PCDHB5: variants seen among roughly 807,000 people sequenced by gnomAD.
PCDHB5 encodes the protein protocadherin beta-5.
For missense variants in PCDHB5, 1,125 were observed against 1,029.4 expected, an observed-to-expected ratio of 1.09 and a Z score of -1.27; for synonymous variants, 569 against 462.2, an observed-to-expected ratio of 1.23 and a Z score of -2.96.
In PCDHB5 at chr5:141,137,516, C is replaced by T. The variant is rs782753225; in HGVS notation, c.2082C>T (p.Ala694=). Residue 694 remains alanine (A), a synonymous_variant, in exon 1 of 1, where the codon GCC becomes GCT. Transcript: ENST00000231134. ...CTGTCTACCTGGTGGTGGCATTGGC[C>T]TCGGTGTCGTCGCTCTTCCTCTTTT... ...SLTVYLVVAL[A]SVSSLFLFSV... 6.8e-6 allele frequency: 11 copies of T among 1,612,468 alleles called. No individual in the cohort carries two copies. The highest frequency in any genetic ancestry group is 1.9e-4 in the Middle Eastern group (1 of 5,158).
chr5:141,137,461 C>T lies in PCDHB5; in HGVS notation c.2027C>T (p.Ala676Val). 2 of 1,612,480 alleles carry T rather than the reference C, an allele frequency of 1.2e-6. No homozygotes were observed. The highest frequency in any genetic ancestry group is 1.7e-6 in the Non-Finnish European group (2 of 1,179,702). Residue 676 changes from alanine to valine, a missense_variant, in exon 1 of 1, where the codon GCC (alanine) becomes GTC (valine). Physicochemically the swap from Ala to Val is moderately conservative, Grantham distance 64. Coordinates refer to ENST00000231134, the MANE Select transcript of PCDHB5 (RefSeq NM_015669.5). Reference protein sequence around the residue: ...SQPYLPLPEAAPAQAQADSLT... With the variant: ...SQPYLPLPEAVPAQAQADSLT... ...CCCTACCTGCCGCTGCCGGAGGCGG[C>T]CCCGGCCCAGGCCCAGGCCGACTCG...
chr5:141,137,287 C>A lies in PCDHB5; in HGVS notation c.1853C>A (p.Ala618Glu). 1 of 1,610,546 alleles carries A rather than the reference C, an allele frequency of 6.2e-7. No homozygotes were observed. Among genetic ancestry groups the A allele is most frequent in the Non-Finnish European group, 8.5e-7 (1 of 1,179,668 alleles). ...GAGCCCGGGCTGTTCAGCATGTGGG[C>A]GCACAATGGCGAGGTGCGCACCGCC... ...ATEPGLFSMW[A>E]HNGEVRTARL... The change falls in exon 1 of 1, where the codon GCG becomes GAG. Residue 618 changes from alanine (A) to glutamate (E), a missense_variant. Coordinates refer to ENST00000231134, the MANE Select transcript of PCDHB5 (RefSeq NM_015669.5).
rs782242118 is a variant in PCDHB5, at chr5:141,137,492, T to C, written c.2058T>C (p.Thr686=). ...APAQAQADSL[T]VYLVVALASV... ...CCCAGGCCCAGGCCGACTCGCTCACTGTCTACCTGGTGGTGGCATTGGCCT... is the reference window on the plus strand; with the variant it reads ...CCCAGGCCCAGGCCGACTCGCTCACCGTCTACCTGGTGGTGGCATTGGCCT... Residue 686 remains threonine (T), a synonymous_variant, in exon 1 of 1, where the codon ACT becomes ACC. Coordinates refer to ENST00000231134, the MANE Select transcript of PCDHB5 (RefSeq NM_015669.5). The C allele has an allele frequency of 2.7e-5, 44 of 1,612,238 alleles. No homozygotes were observed. The highest frequency in any genetic ancestry group is 3.7e-4 in the Middle Eastern group (2 of 5,386).
At position 141,136,887 on chromosome 5, in the gene PCDHB5, G is replaced by A. The variant is rs1554276036; in HGVS notation, c.1453G>A (p.Val485Ile). The change falls in exon 1 of 1, where the codon GTC (valine) becomes ATC (isoleucine). Residue 485 changes from valine to isoleucine, a missense_variant. Physicochemically the swap from Val to Ile is conservative, Grantham distance 29. Transcript: ENST00000231134. ...CAGAGACTCAGGCACCAACGCCCAG[G>A]TCACCTACTCGCTGCTGCCGCCCCA... ...TDRDSGTNAQVTYSLLPPQNP... is the reference protein window; with the variant it reads ...TDRDSGTNAQITYSLLPPQNP... The A allele has an allele frequency of 5.0e-6, 8 of 1,612,692 alleles. No homozygotes were observed. The highest frequency in any genetic ancestry group is 5.9e-6 in the Non-Finnish European group (7 of 1,180,028).
rs1752640133 is a variant in PCDHB5 at position 141,138,104 on chromosome 5, A to C, written c.*282A>C. ...TTTGTTGTGATAAACCACCTTAATA[A>C]AATCAAGTATTAATTTTATTTTCTA... On this transcript the variant is annotated 3_prime_UTR_variant, in exon 1 of 1. Coordinates refer to ENST00000231134, the MANE Select transcript of PCDHB5 (RefSeq NM_015669.5). 8.8e-6 allele frequency: 3 copies of C among 341,860 alleles called. No individual in the cohort carries two copies. Among genetic ancestry groups the C allele is most frequent in the Non-Finnish European group, 1.7e-5 (3 of 181,738 alleles). 21.2% of individuals were successfully genotyped at this position (341,860 alleles called of 1,614,324 possible).
Position 141,135,428 on chromosome 5 carries a change from C to A in PCDHB5, c.-7C>A. The A allele has an allele frequency of 1.3e-6, 2 of 1,590,606 alleles. No individual in the cohort carries two copies. The highest frequency in any genetic ancestry group is 1.2e-5 in the South Asian group (1 of 86,882). On this transcript the variant is annotated 5_prime_UTR_variant, in exon 1 of 1. In the 5' UTR this introduces an upstream ATG that the reference lacks. Transcript: ENST00000231134. ...TTAAACTGCGCCTTCTGGACCGGGT[C>A]TGAACAATGGAGACTGCGCTAGCAA... is the stretch of plus-strand genomic sequence containing the variant.
At position 141,136,670 on chromosome 5, in the gene PCDHB5, C is replaced by T. The variant is rs1317166162; in HGVS notation, c.1236C>T (p.Ser412=). The part of the protein sequence containing the change: ...LVTQRTLDRE[S]QAEYNITITV... ...CACAGAGAACACTGGACAGAGAGAGCCAAGCCGAGTACAACATCACCATCA... is the reference window on the plus strand; with the variant it reads ...CACAGAGAACACTGGACAGAGAGAGTCAAGCCGAGTACAACATCACCATCA... The change falls in exon 1 of 1, where the codon AGC becomes AGT. Residue 412 remains serine (S), a synonymous_variant. Transcript: ENST00000231134. 3 of 1,614,060 alleles carry T rather than the reference C, an allele frequency of 1.9e-6. No homozygotes were observed. Among genetic ancestry groups the T allele is most frequent in the Non-Finnish European group, 2.5e-6 (3 of 1,180,040 alleles).
rs373499517 is a variant in PCDHB5, at chr5:141,136,919, A to G, written c.1485A>G (p.Pro495=). 201 of 1,612,266 alleles carry G rather than the reference A, an allele frequency of 1.2e-4. 1 individual carries two copies. The African/African-American group carries it at 2.5e-3, about 20-fold the overall frequency. Residue 495 remains proline, a synonymous_variant, in exon 1 of 1, where the codon CCA becomes CCG. Transcript: ENST00000231134. ...ACTCGCTGCTGCCGCCCCAGAACCC[A>G]CACCTGCGCCTCGCCTCCCTGGTCT... ...VTYSLLPPQN[P]HLRLASLVSI...
At position 141,136,735 on chromosome 5, in the gene PCDHB5, A is replaced by T; in HGVS notation, c.1301A>T (p.His434Leu). 1 of 1,614,134 alleles carries T rather than the reference A, an allele frequency of 6.2e-7. No homozygotes were observed. The highest frequency in any genetic ancestry group is 8.5e-7 in the Non-Finnish European group (1 of 1,180,016). ...GGGACACCCAGGCTGAAAACCGAGC[A>T]CAACATAACGGTCCTGGTCTCCGAC... ...DMGTPRLKTE[H>L]NITVLVSDVN... Residue 434 changes from histidine to leucine, a missense_variant, in exon 1 of 1, where the codon CAC becomes CTC. By Grantham distance (99) the His-to-Leu change is moderately conservative. Transcript: ENST00000231134.
rs545573435 is a variant in PCDHB5 at position 141,135,575 on chromosome 5, C to T, written c.141C>T (p.Asn47=). Residue 47 remains asparagine (N), a synonymous_variant, in exon 1 of 1, where the codon AAC becomes AAT. Coordinates refer to ENST00000231134, the MANE Select transcript of PCDHB5 (RefSeq NM_015669.5). ...CAGAAAGTGGCTATTCTGTGGCCAA[C>T]CTGGCAAAAGACCTGGGTCTTGGGG... ...EETESGYSVA[N]LAKDLGLGVG... The T allele has an allele frequency of 7.4e-6, 12 of 1,614,150 alleles. No individual in the cohort carries two copies. In the Admixed American group the frequency reaches 1.7e-4, roughly 22 times the overall value.
In PCDHB5 at chr5:141,136,362, G is replaced by C. The variant is rs975207995; in HGVS notation, c.928G>C (p.Ala310Pro). 1.9e-6 allele frequency: 3 copies of C among 1,613,886 alleles called. No homozygotes were observed. The highest frequency in any genetic ancestry group is 2.5e-6 in the Non-Finnish European group (3 of 1,180,000). The change falls in exon 1 of 1, where the codon GCA becomes CCA. Residue 310 changes from alanine (A) to proline (P), a missense_variant. Coordinates refer to ENST00000231134, the MANE Select transcript of PCDHB5 (RefSeq NM_015669.5). ...IRLKRALDFE[A>P]TPYYNVEIVA... ...CCTGAAAAGGGCATTGGATTTCGAGGCAACTCCATATTATAACGTGGAAAT... is the reference window on the plus strand; with the variant it reads ...CCTGAAAAGGGCATTGGATTTCGAGCCAACTCCATATTATAACGTGGAAAT...
chr5:141,135,884 T>C lies in PCDHB5; in HGVS notation c.450T>C (p.Thr150=). Residue 150 remains threonine (T), a synonymous_variant, in exon 1 of 1, where the codon ACT becomes ACC. Transcript: ENST00000231134. ...LKIPESTQPG[T]VFPLKIAQDF... ...TCCCAGAGAGCACCCAGCCAGGGAC[T>C]GTGTTTCCCTTAAAAATAGCCCAGG... 6.2e-7 allele frequency: 1 copy of C among 1,613,504 alleles called. No homozygotes were observed. The highest frequency in any genetic ancestry group is 8.5e-7 in the Non-Finnish European group (1 of 1,179,940).
In PCDHB5 at chr5:141,136,937, C is replaced by A. The variant is rs1554276052; in HGVS notation, c.1503C>A (p.Ser501=). ...PPQNPHLRLA[S]LVSINADNGH... ...AGAACCCACACCTGCGCCTCGCCTC[C>A]CTGGTCTCCATCAACGCGGACAACG... The change falls in exon 1 of 1, where the codon TCC becomes TCA. Residue 501 remains serine (S), a synonymous_variant. Transcript: ENST00000231134. The A allele has an allele frequency of 2.5e-6, 4 of 1,612,652 alleles. No individual in the cohort carries two copies. The highest frequency in any genetic ancestry group is 1.7e-5 in the Admixed American group (1 of 60,018).
rs782364788 is a variant in PCDHB5 at position 141,136,512 on chromosome 5, C to T, written c.1078C>T (p.Pro360Ser). 1.9e-6 allele frequency: 3 copies of T among 1,614,082 alleles called. No homozygotes were observed. The South Asian group carries it at 3.3e-5, about 18-fold the overall frequency. The change falls in exon 1 of 1, where the codon CCG becomes TCG. Residue 360 changes from proline (P) to serine (S), a missense_variant. By Grantham distance (74) the Pro-to-Ser change is moderately conservative. Transcript: ENST00000231134. Reference sequence around the variant, plus strand: ...CTCCAGCCCTACCCCAGAAAATGCCCCGGAAACTGTAGTTGCCGTTTTCAG... The same window carrying T: ...CTCCAGCCCTACCCCAGAAAATGCCTCGGAAACTGTAGTTGCCGTTTTCAG... ...TLSSPTPENAPETVVAVFSVS... is the reference protein window; with the variant it reads ...TLSSPTPENASETVVAVFSVS...
Position 141,135,607 on chromosome 5 carries a change from A to G in PCDHB5, c.173A>G (p.Glu58Gly), listed in dbSNP as rs146236353. Residue 58 changes from glutamate (E) to glycine (G), a missense_variant, in exon 1 of 1, where the codon GAA (glutamate) becomes GGA (glycine). Transcript: ENST00000231134. ...LAKDLGLGVGELATRGARMHY... is the reference protein window; with the variant it reads ...LAKDLGLGVGGLATRGARMHY... ...AAAGACCTGGGTCTTGGGGTGGGGGAACTGGCCACTCGGGGCGCGCGAATG... is the reference window on the plus strand; with the variant it reads ...AAAGACCTGGGTCTTGGGGTGGGGGGACTGGCCACTCGGGGCGCGCGAATG... 9.5e-5 allele frequency: 154 copies of G among 1,613,946 alleles called. No homozygotes were observed. Among genetic ancestry groups the G allele is most frequent in the Non-Finnish European group, 1.2e-4 (145 of 1,180,036 alleles).
Position 141,136,880 on chromosome 5 carries a change from C to G in PCDHB5, c.1446C>G (p.Asn482Lys). The G allele has an allele frequency of 6.2e-7, 1 of 1,612,788 alleles. No individual in the cohort carries two copies. Among genetic ancestry groups the G allele is most frequent in the Non-Finnish European group, 8.5e-7 (1 of 1,180,032 alleles). Residue 482 changes from asparagine to lysine, a missense_variant, in exon 1 of 1, where the codon AAC becomes AAG. Physicochemically the swap from Asn to Lys is moderately conservative, Grantham distance 94 (BLOSUM62 0). Coordinates refer to ENST00000231134, the MANE Select transcript of PCDHB5 (RefSeq NM_015669.5). Reference protein sequence around the residue: ...VSATDRDSGTNAQVTYSLLPP... With the variant: ...VSATDRDSGTKAQVTYSLLPP... ...CCACAGACAGAGACTCAGGCACCAA[C>G]GCCCAGGTCACCTACTCGCTGCTGC...
chr5:141,136,774 C>T lies in PCDHB5; in HGVS notation c.1340C>T (p.Ala447Val), dbSNP rs782373334. ...CTGGTCTCCGACGTCAATGACAACG[C>T]CCCCGCCTTCACCCAAACCTCCTAC... Reference protein sequence around the residue: ...TVLVSDVNDNAPAFTQTSYTL... With the variant: ...TVLVSDVNDNVPAFTQTSYTL... The change falls in exon 1 of 1, where the codon GCC (alanine) becomes GTC (valine). Residue 447 changes from alanine to valine, a missense_variant. Ala to Val is a moderately conservative substitution (Grantham distance 64). Coordinates refer to ENST00000231134, the MANE Select transcript of PCDHB5 (RefSeq NM_015669.5). 5 of 1,614,026 alleles carry T rather than the reference C, an allele frequency of 3.1e-6. No homozygotes were observed. The highest frequency in any genetic ancestry group is 4.2e-6 in the Non-Finnish European group (5 of 1,180,026).
Position 141,136,529 on chromosome 5 carries a change from C to G in PCDHB5, c.1095C>G (p.Ala365=), listed in dbSNP as rs1233689622. ...TPENAPETVV[A]VFSVSDPDSG... ...AAAATGCCCCGGAAACTGTAGTTGC[C>G]GTTTTCAGTGTTTCTGATCCAGACT... The change falls in exon 1 of 1, where the codon GCC becomes GCG. Residue 365 remains alanine (A), a synonymous_variant. Transcript: ENST00000231134. The G allele has an allele frequency of 1.1e-5, 17 of 1,613,900 alleles. No individual in the cohort carries two copies. The highest frequency in any genetic ancestry group is 1.3e-5 in the Non-Finnish European group (15 of 1,180,008).
Position 141,137,525 on chromosome 5 carries a change from G to A in PCDHB5, c.2091G>A (p.Ser697=), listed in dbSNP as rs61745780. ...TGGTGGTGGCATTGGCCTCGGTGTCGTCGCTCTTCCTCTTTTCGGTGCTCC... is the reference window on the plus strand; with the variant it reads ...TGGTGGTGGCATTGGCCTCGGTGTCATCGCTCTTCCTCTTTTCGGTGCTCC... ...VYLVVALASV[S]SLFLFSVLLF... is the part of the protein sequence containing the mutation. Residue 697 remains serine, a synonymous_variant, in exon 1 of 1, where the codon TCG becomes TCA. Transcript: ENST00000231134. The A allele has an allele frequency of 6.2e-7, 1 of 1,612,364 alleles. No homozygotes were observed. The highest frequency in any genetic ancestry group is 8.5e-7 in the Non-Finnish European group (1 of 1,179,610).
Sources: allele counts gnomAD v4.1 joint callset, GRCh38; gene constraint gnomAD v4.1.1; transcripts MANE v1.5; gene names NCBI Gene and HGNC (gene_info 2026-07-23, HGNC 2026-07-21).